LIN7A: variants seen among roughly 807,000 people sequenced by gnomAD.
The protein encoded by LIN7A is lin-7 cell polarity scaffold A.
In LIN7A, 25 loss-of-function variants were observed where a neutral mutation model predicts 29.8. The observed-to-expected ratio is 0.84, with a 90% CI of 0.61 to 1.17. LIN7A has a LOEUF of 1.17. Ranked by LOEUF, LIN7A falls within the 50% of genes most tolerant of loss-of-function variation. LIN7A has a pLI of 0.00. For missense variants in LIN7A, 239 were observed against 287.0 expected, an observed-to-expected ratio of 0.83 and a Z score of 1.21; for synonymous variants, 118 against 107.5, an observed-to-expected ratio of 1.10 and a Z score of -0.60.
At chr12:80,886,165 A>G (rs930544988) in intron 2 of LIN7A, among the ~76,000 whole-genome samples, 1 of 151,386 alleles carries the variant, frequency 6.6e-6, no homozygotes, top group Non-Finnish European at 1.5e-5. Context: ...AACCACAAAG[A>G]TTCTGAGCAT....
At chr12:80,820,599 A>C (rs1027439744) in intron 4 of LIN7A, among the ~76,000 whole-genome samples, 1 of 149,568 alleles carries the variant, frequency 6.7e-6, no homozygotes, top group African/African-American at 2.5e-5. Flanking sequence ...AGGGGGGAAA[A>C]GTCCTGATGG....
intron 2 of LIN7A, among the ~76,000 whole-genome samples, chr12:80,882,284 A>ATTTTTTTTTTTTTT (rs1463134808): frequency 1.4e-5 from 1 of 71,988 alleles, no homozygotes; most frequent in African/African-American, 2.9e-5. Flanking sequence ...TTTTTCTTTC[A>ATTTTTTTTTTTTTT]TTCTTTTTTT....
At chr12:80,867,614 A>T (rs1874209447) in intron 2 of LIN7A, among the ~76,000 whole-genome samples, 1 of 152,090 alleles carries the variant, frequency 6.6e-6, no homozygotes, top group Non-Finnish European at 1.5e-5. Flanking sequence ...CAAATCTTCT[A>T]TGAGTTTTCT....
intron 4 of LIN7A, among the ~76,000 whole-genome samples, chr12:80,823,803 A>G (rs1452486428): frequency 6.6e-6 from 1 of 152,256 alleles, no homozygotes; most frequent in Non-Finnish European, 1.5e-5. Context: ...ATCAAGATGG[A>G]AATTTACAAA....
chr12:80,842,753 A>G (rs987292361), intron 4 of LIN7A, among the ~76,000 whole-genome samples: 1 of 152,262 alleles, frequency 6.6e-6, no homozygotes, highest in Middle Eastern at 3.4e-3. Context: ...TGTGACTATG[A>G]ACAAGTCACT....
chr12:80,842,448 A>T (rs1228193987), intron 4 of LIN7A, among the ~76,000 whole-genome samples: 1 of 152,126 alleles, frequency 6.6e-6, no homozygotes, highest in Non-Finnish European at 1.5e-5. Context: ...AACTTATACT[A>T]AAGTAGTTAA....
At chr12:80,922,714 C>T (rs761428658) in intron 1 of LIN7A, among the ~76,000 whole-genome samples, 21 of 152,298 alleles carry the variant, frequency 1.4e-4, no homozygotes, top group Admixed American at 3.3e-4. Flanking sequence ...TGGTTACCTG[C>T]AGTCAATCTC....
chr12:80,798,591 A>G (rs1385968537), intron 5 of LIN7A, among the ~76,000 whole-genome samples: 1 of 152,202 alleles, frequency 6.6e-6, no homozygotes, highest in Non-Finnish European at 1.5e-5. Flanking sequence ...CTATTATAAT[A>G]TCATCATTCT....
intron 2 of LIN7A, among the ~76,000 whole-genome samples, chr12:80,856,652 C>T (rs895896227): frequency 1.3e-5 from 2 of 152,130 alleles, no homozygotes; most frequent in Non-Finnish European, 2.9e-5. Flanking sequence ...GTGTAAAGTG[C>T]CTTTGGCTAC....
intron 4 of LIN7A, among the ~76,000 whole-genome samples, chr12:80,838,322 A>C (rs372853491): frequency 5.3e-5 from 8 of 152,312 alleles, no homozygotes; most frequent in African/African-American, 1.9e-4. Context: ...GTGGGAATGT[A>C]GTTGTTCTAA....
At chr12:80,812,998 TA>T (rs1193400911) in intron 4 of LIN7A, among the ~76,000 whole-genome samples, 3 of 152,138 alleles carry the variant, frequency 2.0e-5, no homozygotes, top group African/African-American at 7.2e-5. Context: ...TAGACCGACA[TA>T]AAAATAAATA....
chr12:80,818,937 G>T (rs1436852327), intron 4 of LIN7A, among the ~76,000 whole-genome samples: 2 of 152,140 alleles, frequency 1.3e-5, no homozygotes, highest in African/African-American at 2.4e-5. Flanking sequence ...TGGCATTTTT[G>T]ATCATTAAAG....
rs549629482 is a variant in LIN7A at position 80,805,207 on chromosome 12, C to T, written c.*6258G>A. Reference sequence around the variant, plus strand: ...AGTCAGCTTTATGATTATTTCTGTCCGGTGTTCTGCTTGGAAACTCTGGGT... The same window carrying T: ...AGTCAGCTTTATGATTATTTCTGTCTGGTGTTCTGCTTGGAAACTCTGGGT... On this transcript the variant is annotated intron_variant, in intron 5 of 5. Transcript: ENST00000552864. 4.9e-4 allele frequency among the ~76,000 whole-genome samples: 75 copies of T among 152,142 alleles called. No homozygotes were observed. The South Asian group carries it at 0.01, about 21-fold the overall frequency.
intron 1 of LIN7A, among the ~76,000 whole-genome samples, chr12:80,899,508 A>C (rs2120719762): frequency 6.6e-6 from 1 of 152,230 alleles, no homozygotes; most frequent in Non-Finnish European, 1.5e-5. Context: ...ATAATGAGTT[A>C]GGGAGGAGTC....
At chr12:80,832,918 T>G (rs1872438751) in intron 4 of LIN7A, among the ~76,000 whole-genome samples, 1 of 152,106 alleles carries the variant, frequency 6.6e-6, no homozygotes, top group Admixed American at 6.6e-5. Context: ...TTGTGGTGAC[T>G]GGATGGGGAG....
intron 1 of LIN7A, among the ~76,000 whole-genome samples, chr12:80,922,936 C>G (rs113539690): frequency 0.013 from 2,008 of 152,104 alleles, 42 homozygotes; most frequent in African/African-American, 0.045. Context: ...TCAGGCAGCC[C>G]CCGGGGGTCT....
chr12:80,888,075 G>C (rs1028112619), intron 2 of LIN7A, among the ~76,000 whole-genome samples: 1 of 152,068 alleles, frequency 6.6e-6, no homozygotes, highest in South Asian at 2.1e-4. Context: ...CAAAGAATCC[G>C]TATGCTGAGA....
chr12:80,844,561 A>G (rs1458196001), intron 4 of LIN7A, among the ~76,000 whole-genome samples: 1 of 152,190 alleles, frequency 6.6e-6, no homozygotes, highest in Non-Finnish European at 1.5e-5. Flanking sequence ...AATCGAGTTT[A>G]TATATTAAAA....
chr12:80,799,834 CA>C (rs1380183461), intron 5 of LIN7A, among the ~76,000 whole-genome samples: 1 of 151,560 alleles, frequency 6.6e-6, no homozygotes, highest in African/African-American at 2.4e-5. Flanking sequence ...TCAATGAAAT[CA>C]AAAGCTGATT....
Sources: gnomAD v4.1 joint callset for allele counts (sites outside exome capture counted in the v4.1 genomes callset) on GRCh38, gnomAD v4.1.1 for gene constraint, MANE v1.5 for transcripts, NCBI Gene and HGNC (gene_info 2026-07-23, HGNC 2026-07-21) for gene names.